The following XRCC1 variants were observed in gnomAD, a reference collection of about 807,000 sequenced individuals.
The protein encoded by XRCC1 is X-ray repair cross complementing 1.
Under a neutral mutation model 83.3 loss-of-function variants are expected in XRCC1, and 52 were observed. That is an observed-to-expected ratio of 0.62 (90% CI 0.50 to 0.79). The LOEUF is 0.79. Among genes scored for constraint, XRCC1 ranks in the 30% least tolerant of loss-of-function variants. The pLI, the probability that XRCC1 is intolerant of heterozygous loss-of-function variation, is 0.00. For missense variants in XRCC1, 793 were observed against 823.5 expected (o/e 0.96, Z 0.45); for synonymous variants, 281 against 312.6 (o/e 0.90, Z 1.07).
intron 3 of XRCC1, among the ~76,000 whole-genome samples, chr19:43,556,986 C>A (rs369209462): frequency 6.7e-6 from 1 of 149,480 alleles, no homozygotes; most frequent in African/African-American, 2.5e-5. Flanking sequence ...GCCTGGGTGA[C>A]GGAGCAAGAC....
chr19:43,543,545 G>A lies in XRCC1; in HGVS notation c.1789-40C>T, dbSNP rs3213400. 4.0e-4 allele frequency: 643 copies of A among 1,613,086 alleles called. 3 individuals are homozygous for A. The East Asian group carries it at 0.013, about 34-fold the overall frequency. ...GGAGTCCATACGGGAATGTGTCATCGAGGGGAGGACGGAGGAGATGCAAAG... is the reference window on the plus strand; with the variant it reads ...GGAGTCCATACGGGAATGTGTCATCAAGGGGAGGACGGAGGAGATGCAAAG... On this transcript the variant is annotated intron_variant, in intron 16 of 16. Coordinates refer to ENST00000262887, the MANE Select transcript of XRCC1 (RefSeq NM_006297.3).
chr19:43,548,165 C>G, intron 10 of XRCC1, among the ~76,000 whole-genome samples: 1 of 146,540 alleles, frequency 6.8e-6, no homozygotes, highest in Non-Finnish European at 1.5e-5. Context: ...TGGGGGGCGC[C>G]TCCGCCCGGC....
intron 4 of XRCC1, chr19:43,553,923 G>A (rs1972609024): frequency 2.2e-6 from 1 of 459,162 alleles, no homozygotes; most frequent in Non-Finnish European, 3.9e-6. Context: ...AATTGGCAGA[G>A]TCTACTAGGT....
rs1972582341 is a variant in XRCC1 at position 43,552,077 on chromosome 19, T to A, written c.1022A>T (p.Lys341Met). Residue 341 changes from lysine to methionine, a missense_variant, in exon 9 of 17, where the codon AAG becomes ATG. Physicochemically the swap from Lys to Met is moderately conservative, Grantham distance 95 (BLOSUM62 -1). Coordinates refer to ENST00000262887, the MANE Select transcript of XRCC1 (RefSeq NM_006297.3). ...QNPFRSELRD[K>M]ALELGAKYRP... is the part of the protein sequence containing the mutation. ...ATACTTGGCCCCAAGCTCTAGGGCCTTATCTCGCAGCTCGGAGCGGAAGGG... is the reference window on the plus strand; with the variant it reads ...ATACTTGGCCCCAAGCTCTAGGGCCATATCTCGCAGCTCGGAGCGGAAGGG... 2 of 1,613,948 alleles carry A rather than the reference T, an allele frequency of 1.2e-6. No individual in the cohort carries two copies. Among genetic ancestry groups the A allele is most frequent in the Non-Finnish European group, 1.7e-6 (2 of 1,179,896 alleles).
chr19:43,551,756 GAGAC>G (rs1160575118), intron 9 of XRCC1, 69 bp from the exon 10 acceptor site: 48 of 1,190,620 alleles, frequency 4.0e-5, no homozygotes, highest in Admixed American at 5.1e-5. Flanking sequence ...CGAGACAGGG[GAGAC>G]AGACAGAGAG....
At chr19:43,544,399 T>G (rs1237921422) in intron 14 of XRCC1, among the ~76,000 whole-genome samples, 165 bp from the exon 15 acceptor site, 1 of 152,148 alleles carries the variant, frequency 6.6e-6, no homozygotes, top group Non-Finnish European at 1.5e-5. Context: ...CAGAGCCTCC[T>G]GGGGAGGTAG....
Position 43,548,061 on chromosome 19 carries a change from CCGTCGGGGGGGAGGTGGGG to C in XRCC1, c.1200-1103_1200-1085del, listed in dbSNP as rs1268184286. ...GGAGGGAGGTGGGGGGCCAGCCGCC[CCGTCGGGGGGGAGGTGGGG>C]GGCCAGCCGCCCCATCCGGGAGGGA... On this transcript the variant is annotated intron_variant, in intron 10 of 16. Coordinates refer to ENST00000262887, the MANE Select transcript of XRCC1 (RefSeq NM_006297.3). Among the ~76,000 whole-genome samples the C allele has an allele frequency of 1.2e-3, 45 of 38,310 alleles. 1 individual carries two copies. The highest frequency in any genetic ancestry group is 3.8e-3 in the East Asian group (4 of 1,066). The allele number at this position is 38,310 out of a possible 152,430, so 25.1% of individuals were successfully genotyped here.
intron 3 of XRCC1, 185 bp from the exon 4 acceptor site, chr19:43,554,989 G>T (rs1799778): frequency 0.33 from 169,617 of 512,484 alleles, 29,002 homozygotes; most frequent in Non-Finnish European, 0.36. Flanking sequence ...CCTGACACAG[G>T]CCCCAGAGGG....
At position 43,546,114 on chromosome 19, in the gene XRCC1, T is replaced by G. The variant is rs943594802; in HGVS notation, c.1427-8A>C. The stretch of plus-strand genomic sequence containing the variant: ...CCCCATTGTCCTGTCCTTCTGCAAG[T>G]AGAAGCTCAGTCAATGCAAGGCTGC... On this transcript the variant is annotated splice_region_variant and splice_polypyrimidine_tract_variant and intron_variant, in intron 12 of 16. Coordinates refer to ENST00000262887, the MANE Select transcript of XRCC1 (RefSeq NM_006297.3). The G allele has an allele frequency of 1.2e-6, 2 of 1,613,092 alleles. No individual in the cohort carries two copies. The highest frequency in any genetic ancestry group is 1.7e-6 in the Non-Finnish European group (2 of 1,179,718).
intron 3 of XRCC1, among the ~76,000 whole-genome samples, chr19:43,560,320 C>T (rs1972684659): frequency 6.6e-6 from 1 of 151,090 alleles, no homozygotes; most frequent in Non-Finnish European, 1.5e-5. Flanking sequence ...AGCTTGAACC[C>T]GGGAGGCAGA....
rs756091575 is a variant in XRCC1, at chr19:43,554,739, G to C, written c.321C>G (p.Arg107=). 6.2e-7 allele frequency: 1 copy of C among 1,614,096 alleles called. No individual in the cohort carries two copies. Among genetic ancestry groups the C allele is most frequent in the African/African-American group, 1.3e-5 (1 of 75,066 alleles). ...SESRSGSNPN[R]VRMFGPDKLV... ...GCTTGTCAGGCCCAAACATGCGAAC[G>C]CGGTTGGGGTTTGAGCCACTGCGGC... The change falls in exon 4 of 17, where the codon CGC becomes CGG. Residue 107 remains arginine, a synonymous_variant. Transcript: ENST00000262887.
intron 3 of XRCC1, 56 bp downstream of exon 3, chr19:43,560,854 G>T: frequency 7.0e-7 from 1 of 1,430,642 alleles, no homozygotes; most frequent in Non-Finnish European, 9.9e-7. Context: ...GGGAGACGGT[G>T]ATGCGAGCAT....
rs25475 is a variant in XRCC1, at chr19:43,545,795, G to A, written c.1621+23C>T. 2.8e-4 allele frequency: 452 copies of A among 1,612,476 alleles called. 5 individuals carry two copies. In the South Asian group the frequency reaches 4.6e-3, roughly 17 times the overall value. ...ACTGAGAAGAGAAAATGCCACTTCA[G>A]GAGGGATGGGGGGATTTCCCACCTG... On this transcript the variant is annotated intron_variant, in intron 14 of 16. Transcript: ENST00000262887.
chr19:43,573,765 C>T (rs1274554481), intron 2 of XRCC1, among the ~76,000 whole-genome samples: 1 of 151,788 alleles, frequency 6.6e-6, no homozygotes, highest in Admixed American at 6.6e-5. Flanking sequence ...GTCCCAGCTA[C>T]TCAGGAGGCT....
intron 1 of XRCC1, 66 bp from the exon 2 acceptor site, chr19:43,575,068 A>C: frequency 7.3e-7 from 1 of 1,364,340 alleles, no homozygotes; most frequent in Non-Finnish European, 1.0e-6. Flanking sequence ...CAGCTCTCAG[A>C]TGATTCCTTT....
intron 2 of XRCC1, among the ~76,000 whole-genome samples, chr19:43,570,826 G>A (rs1220569672): frequency 9.5e-6 from 1 of 104,994 alleles, no homozygotes; most frequent in Non-Finnish European, 1.9e-5. Context: ...TACTGCCTTG[G>A]TGGCCAGAAA....
Position 43,543,627 on chromosome 19 carries a change from A to T in XRCC1, c.1773T>A (p.Asp591Glu). ...TGGTACTCACCTCCTCAAAGCTGGGATCCCATTCCTGTGCTGTGATCACAA... is the reference window on the plus strand; with the variant it reads ...TGGTACTCACCTCCTCAAAGCTGGGTTCCCATTCCTGTGCTGTGATCACAA... ...VQFVITAQEW[D>E]PSFEEALMDN... Residue 591 changes from aspartate (D) to glutamate (E), a missense_variant, in exon 16 of 17, where the codon GAT becomes GAA. Physicochemically the swap from Asp to Glu is conservative, Grantham distance 45. Coordinates refer to ENST00000262887, the MANE Select transcript of XRCC1 (RefSeq NM_006297.3). 1 of 1,613,842 alleles carries T rather than the reference A, an allele frequency of 6.2e-7. No homozygotes were observed. The highest frequency in any genetic ancestry group is 8.5e-7 in the Non-Finnish European group (1 of 1,179,986).
At chr19:43,558,361 C>T (rs566312832) in intron 3 of XRCC1, among the ~76,000 whole-genome samples, 1 of 151,102 alleles carries the variant, frequency 6.6e-6, no homozygotes, top group East Asian at 2.0e-4. Flanking sequence ...GCCAGGTACA[C>T]ACAGCAGCTC....
Position 43,546,690 on chromosome 19 carries a change from C to A in XRCC1, c.1331G>T (p.Gly444Val). 2 of 1,609,736 alleles carry A rather than the reference C, an allele frequency of 1.2e-6. No individual in the cohort carries two copies. Among genetic ancestry groups the A allele is most frequent in the Non-Finnish European group, 1.7e-6 (2 of 1,178,834 alleles). ...QTKTKPTQAAGPSSPQKPPTP... is the reference protein window; with the variant it reads ...QTKTKPTQAAVPSSPQKPPTP... The stretch of plus-strand genomic sequence containing the variant: ...TGGGGGCTTCTGGGGTGAGCTGGGT[C>A]CAGCTGCCTGAGTGGGCTTGGTTTT... The change falls in exon 12 of 17, where the codon GGA becomes GTA. Residue 444 changes from glycine to valine, a missense_variant. Transcript: ENST00000262887.
Sources: allele counts gnomAD v4.1 joint callset (sites outside exome capture counted in the v4.1 genomes callset), GRCh38; gene constraint gnomAD v4.1.1; transcripts MANE v1.5; gene names NCBI Gene and HGNC (gene_info 2026-07-23, HGNC 2026-07-21).